The following PPFIBP2 variants were observed in gnomAD, a reference collection of about 807,000 sequenced individuals.
PPFIBP2 encodes the protein PPFIB scaffold protein 2, also known as liprin-beta-2.
A neutral mutation model predicts 118.3 loss-of-function variants in PPFIBP2; 118 were observed. The observed-to-expected ratio is 1.00, with a 90% CI of 0.86 to 1.16. The LOEUF (loss-of-function observed/expected upper bound fraction) is 1.16. Among genes scored for constraint, PPFIBP2 ranks in the 50% most tolerant of loss-of-function variants. The pLI is 0.00. For missense variants in PPFIBP2, 1,195 were observed against 1,073.1 expected (o/e 1.11, Z -1.59); for synonymous variants, 414 against 397.4 (o/e 1.04, Z -0.50).
chr11:7,619,298 A>T (rs539682903), intron 6 of PPFIBP2, among the ~76,000 whole-genome samples: 1 of 152,306 alleles, frequency 6.6e-6, no homozygotes, highest in Admixed American at 6.5e-5. Flanking sequence ...ACTCAGGGAG[A>T]CCTGAAGGAT....
At chr11:7,579,262 C>T (rs953630686) in intron 3 of PPFIBP2, among the ~76,000 whole-genome samples, 30 of 152,184 alleles carry the variant, frequency 2.0e-4, no homozygotes, top group Admixed American at 2.0e-3. Flanking sequence ...TGGTCTTGAA[C>T]CCTGTTCTCT....
At chr11:7,634,677 C>A in intron 13 of PPFIBP2, 125 bp downstream of exon 13, 1 of 729,400 alleles carries the variant, frequency 1.4e-6, no homozygotes, top group South Asian at 1.6e-5. Context: ...GTAGAGGAAG[C>A]AGGAATTACA....
At position 7,648,817 on chromosome 11, in the gene PPFIBP2, C is replaced by A; in HGVS notation, c.1815C>A (p.His605Gln). 1.9e-6 allele frequency: 3 copies of A among 1,613,976 alleles called. No homozygotes were observed. The highest frequency in any genetic ancestry group is 3.3e-5 in the Admixed American group (2 of 60,022). ...AATTTCAGGAGCTAGGAATTAAGCACCCACTCCACAGGAAGAAGCTTGTTT... is the reference window on the plus strand; with the variant it reads ...AATTTCAGGAGCTAGGAATTAAGCAACCACTCCACAGGAAGAAGCTTGTTT... Reference protein sequence around the residue: ...QDMEKELGIKHPLHRKKLVLA... With the variant: ...QDMEKELGIKQPLHRKKLVLA... Residue 605 changes from histidine (H) to glutamine (Q), a missense_variant, in exon 19 of 24, where the codon CAC becomes CAA. Physicochemically the swap from His to Gln is conservative, Grantham distance 24. Coordinates refer to ENST00000299492, the MANE Select transcript of PPFIBP2 (RefSeq NM_003621.5).
intron 9 of PPFIBP2, 80 bp from the exon 10 acceptor site, chr11:7,629,379 A>G (rs1023829656): frequency 2.2e-5 from 30 of 1,363,562 alleles, no homozygotes; most frequent in Non-Finnish European, 3.0e-5. Context: ...TTGTGCCAAG[A>G]ACATAGCGTG....
chr11:7,529,966 CT>C (rs1564941909), intron 1 of PPFIBP2, among the ~76,000 whole-genome samples: 1 of 152,252 alleles, frequency 6.6e-6, no homozygotes, highest in Non-Finnish European at 1.5e-5. Flanking sequence ...GTTTGAGCTG[CT>C]GTATCCCAGG....
In PPFIBP2 at chr11:7,574,400, A is replaced by G. The variant is rs74795603; in HGVS notation, c.279+8633A>G. Among the ~76,000 whole-genome samples, 517 of 152,302 alleles carry G rather than the reference A, an allele frequency of 3.4e-3. 2 individuals carry two copies. The highest frequency in any genetic ancestry group is 0.012 in the African/African-American group (494 of 41,558). On this transcript the variant is annotated intron_variant, in intron 3 of 23. Transcript: ENST00000299492. ...GCAAGCCCAGGCCCCCGAGCTCCCA[A>G]TAACAAGGGGAGCCTAGACCTTTGG... is the stretch of plus-strand genomic sequence containing the variant.
At chr11:7,597,533 C>A in intron 4 of PPFIBP2, 27 bp from the exon 5 acceptor site, 1 of 1,600,136 alleles carries the variant, frequency 6.2e-7, no homozygotes, top group Non-Finnish European at 8.5e-7. Flanking sequence ...CCCTGGTCCT[C>A]CACCATTGCT....
chr11:7,610,162 C>G lies in PPFIBP2; in HGVS notation c.487-129C>G, dbSNP rs1249147969. 10 of 1,207,808 alleles carry G rather than the reference C, an allele frequency of 8.3e-6. No homozygotes were observed. The Admixed American group carries it at 1.8e-4, about 22-fold the overall frequency. The allele number at this position is 1,207,808 out of a possible 1,614,324, so 74.8% of individuals were successfully genotyped here. A position where few individuals can be genotyped will look rare whatever the true frequency, so the allele number is the denominator to read the frequency against. ...CCATCCATAATAGGCCTGTGACTCT[C>G]ATGTAGCAGTCTCAATTCTGTGTTG... is the stretch of plus-strand genomic sequence containing the variant. On this transcript the variant is annotated intron_variant, in intron 5 of 23. Transcript: ENST00000299492.
At chr11:7,517,213 A>T (rs1050535620) in intron 1 of PPFIBP2, among the ~76,000 whole-genome samples, 12 of 152,108 alleles carry the variant, frequency 7.9e-5, no homozygotes, top group Admixed American at 6.5e-5. Context: ...AAATTAGAGA[A>T]CTGTTGTCCG....
chr11:7,649,413 C>A, intron 20 of PPFIBP2, 119 bp from the exon 21 acceptor site: 1 of 1,388,114 alleles, frequency 7.2e-7, no homozygotes, highest in Non-Finnish European at 1.0e-6. Flanking sequence ...CTATTGGTGT[C>A]TCCACGTGCA....
chr11:7,561,871 T>C (rs1354124456), intron 2 of PPFIBP2, among the ~76,000 whole-genome samples: 1 of 152,242 alleles, frequency 6.6e-6, no homozygotes, highest in African/African-American at 2.4e-5. Flanking sequence ...TAGCTGGGGC[T>C]ACAGTCATCT....
intron 1 of PPFIBP2, among the ~76,000 whole-genome samples, chr11:7,514,656 C>T (rs1232900901): frequency 1.3e-5 from 2 of 152,206 alleles, no homozygotes; most frequent in South Asian, 2.1e-4. Context: ...CTAAAGCCGC[C>T]GCGTCCCAGT....
At chr11:7,626,540 G>C (rs1368292691) in intron 8 of PPFIBP2, among the ~76,000 whole-genome samples, 1 of 152,152 alleles carries the variant, frequency 6.6e-6, no homozygotes, top group African/African-American at 2.4e-5. Context: ...TTGTTTAAGA[G>C]CATATCTACA....
At chr11:7,664,033 C>T in the PPFIBP2 span, among the ~76,000 whole-genome samples, 1 of 152,234 alleles carries the variant, frequency 6.6e-6, no homozygotes, top group African/African-American at 2.4e-5. Flanking sequence ...ACCCACTGAC[C>T]TACACCCACT....
intron 1 of PPFIBP2, among the ~76,000 whole-genome samples, chr11:7,514,517 G>A (rs1196695065): frequency 6.6e-6 from 1 of 152,246 alleles, no homozygotes; most frequent in Non-Finnish European, 1.5e-5. Flanking sequence ...AGCCTAAGGA[G>A]GTTGCGGAAG....
At chr11:7,657,565 CCT>C (rs1854780732), downstream of PPFIBP2, among the ~76,000 whole-genome samples, 1 of 152,142 alleles carries the variant, frequency 6.6e-6, no homozygotes, top group Non-Finnish European at 1.5e-5. Context: ...CCCTTGAGCA[CCT>C]CAAGCTCCGT....
At chr11:7,604,168 C>T (rs1245907711) in intron 5 of PPFIBP2, among the ~76,000 whole-genome samples, 1 of 151,772 alleles carries the variant, frequency 6.6e-6, no homozygotes, top group African/African-American at 2.4e-5. Flanking sequence ...ACAGGATTGA[C>T]AGAATAAAGG....
Position 7,605,637 on chromosome 11 carries a change from A to G in PPFIBP2, c.487-4654A>G, listed in dbSNP as rs180805068. Reference sequence around the variant, plus strand: ...CTGCTGTGGTATGAATACAATTGGAATGACTCACCTCAAGGTACAGAGTTG... The same window carrying G: ...CTGCTGTGGTATGAATACAATTGGAGTGACTCACCTCAAGGTACAGAGTTG... On this transcript the variant is annotated intron_variant, in intron 5 of 23. Coordinates refer to ENST00000299492, the MANE Select transcript of PPFIBP2 (RefSeq NM_003621.5). The G allele has an allele frequency of 9.4e-6, 10 of 1,058,516 alleles. No individual in the cohort carries two copies. The Admixed American group carries it at 4.4e-4, about 47-fold the overall frequency. The allele number at this position is 1,058,516 out of a possible 1,614,324, so 65.6% of individuals were successfully genotyped here. A position where few individuals can be genotyped will look rare whatever the true frequency, so the allele number is the denominator to read the frequency against.
Position 7,628,275 on chromosome 11 carries a change from ATTCT to A in PPFIBP2, c.827-7_827-4del, listed in dbSNP as rs759314568. On this transcript the variant is annotated splice_region_variant and splice_polypyrimidine_tract_variant and intron_variant, in intron 8 of 23. Coordinates refer to ENST00000299492, the MANE Select transcript of PPFIBP2 (RefSeq NM_003621.5). ...TATAAATAATTATTTCTATACCTGAATTCTTTTAGACCAAGAAATTCAACGTCTG... is the reference window on the plus strand; with the variant it reads ...TATAAATAATTATTTCTATACCTGAATTTAGACCAAGAAATTCAACGTCTG... 11 of 1,610,638 alleles carry A rather than the reference ATTCT, an allele frequency of 6.8e-6. No homozygotes were observed. In the African/African-American group the frequency reaches 1.3e-4, roughly 20 times the overall value.
Sources: gnomAD v4.1 joint callset for allele counts (sites outside exome capture counted in the v4.1 genomes callset) on GRCh38, gnomAD v4.1.1 for gene constraint, MANE v1.5 for transcripts, NCBI Gene and HGNC (gene_info 2026-07-23, HGNC 2026-07-21) for gene names.